Variants in PAX5 observed in about 807,000 individuals in gnomAD.
The protein encoded by PAX5 is paired box 5.
In PAX5, 9 loss-of-function variants were observed where a neutral mutation model predicts 43.7. The ratio of observed to expected loss-of-function variants is 0.21; its 90% CI spans 0.12 to 0.36. The LOEUF is 0.36. Ranked by LOEUF, PAX5 falls within the 10% of genes least tolerant of loss-of-function variation. PAX5 has a pLI of 1.00. For missense variants in PAX5, 383 were observed against 532.7 expected (o/e 0.72, Z 2.77); for synonymous variants, 228 against 214.3 (o/e 1.06, Z -0.56).
chr9:37,024,986 A>C (rs1840191012), intron 1 of PAX5, among the ~76,000 whole-genome samples: 1 of 152,210 alleles, frequency 6.6e-6, no homozygotes, highest in African/African-American at 2.4e-5. Flanking sequence ...CTCTCAGAGC[A>C]TTGCCCTAAC....
chr9:36,997,510 C>A (rs1411066), intron 5 of PAX5, among the ~76,000 whole-genome samples: 1 of 152,168 alleles, frequency 6.6e-6, no homozygotes, highest in Non-Finnish European at 1.5e-5. Flanking sequence ...TCTGAGGCTG[C>A]CCTTTCACCC....
chr9:36,877,729 G>A (rs542601554), intron 8 of PAX5, among the ~76,000 whole-genome samples: 12 of 152,306 alleles, frequency 7.9e-5, no homozygotes, highest in African/African-American at 1.2e-4. Flanking sequence ...GTTCTCAAGC[G>A]TGTTGTGGCA....
chr9:36,915,584 G>T (rs1169970159), intron 7 of PAX5, among the ~76,000 whole-genome samples: 3 of 151,944 alleles, frequency 2.0e-5, no homozygotes, highest in African/African-American at 7.3e-5. Context: ...ATTTTTAAAA[G>T]CTCTTTATAT....
In PAX5 at chr9:37,015,386, T is replaced by C. The variant is rs1401951273; in HGVS notation, c.213-192A>G. On this transcript the variant is annotated intron_variant, in intron 2 of 9. Transcript: ENST00000358127. The surrounding 1 kb of genome is among the most constrained non-coding windows in gnomAD (Gnocchi z 4.4). ...ATCAAAATGTGCTGTAAATATAAAA[T>C]ACACACCAAATTTTTAAAACTTAGT... 6.6e-6 allele frequency among the ~76,000 whole-genome samples: 1 copy of C among 152,130 alleles called. No homozygotes were observed. Among genetic ancestry groups the C allele is most frequent in the African/African-American group, 2.4e-5 (1 of 41,414 alleles).
At chr9:36,960,815 C>T (rs1366884186) in intron 6 of PAX5, among the ~76,000 whole-genome samples, 3 of 152,220 alleles carry the variant, frequency 2.0e-5, no homozygotes, top group Non-Finnish European at 4.4e-5. Context: ...CAGCTCCCTG[C>T]CCACACCTGC....
In PAX5 at chr9:36,856,274, G is replaced by A. The variant is rs73648137; in HGVS notation, c.1013-9345C>T. On this transcript the variant is annotated intron_variant, in intron 8 of 9. Transcript: ENST00000358127. Reference sequence around the variant, plus strand: ...AAAGAATTAGTGAAACACCAGTCCCGATCTTTGCTAGAAACATGGAGACAG... The same window carrying A: ...AAAGAATTAGTGAAACACCAGTCCCAATCTTTGCTAGAAACATGGAGACAG... 8.9e-3 allele frequency among the ~76,000 whole-genome samples: 1,362 copies of A among 152,316 alleles called. 21 individuals are homozygous for A. Among genetic ancestry groups the A allele is most frequent in the African/African-American group, 0.028 (1,179 of 41,574 alleles).
At chr9:36,966,462 C>T in intron 6 of PAX5, 87 bp downstream of exon 6, 2 of 1,456,126 alleles carry the variant, frequency 1.4e-6, no homozygotes, top group Non-Finnish European at 1.9e-6. Context: ...CCCTCACCCA[C>T]ACCCCGCCAG....
In PAX5 at chr9:36,876,461, T is replaced by TA. The variant is rs1825920215; in HGVS notation, c.1012+5542dup. Among the ~76,000 whole-genome samples, 4 of 152,354 alleles carry TA rather than the reference T, an allele frequency of 2.6e-5. 1 individual carries two copies. The South Asian group carries it at 8.3e-4, about 32-fold the overall frequency. ...GATAGCAACCTTTTTTTCTCAGACT[T>TA]ACTAAAGCCAAAGGGCAATGAACTC... On this transcript the variant is annotated intron_variant, in intron 8 of 9. Coordinates refer to ENST00000358127, the MANE Select transcript of PAX5 (RefSeq NM_016734.3).
At chr9:36,966,497 C>A in intron 6 of PAX5, 52 bp downstream of exon 6, 1 of 1,584,444 alleles carries the variant, frequency 6.3e-7, no homozygotes. Context: ...AGGAACCTGG[C>A]TGGGCCGGTG....
rs73648175 is a variant in PAX5 at position 36,944,395 on chromosome 9, G to A, written c.781-20911C>T. 7.9e-3 allele frequency among the ~76,000 whole-genome samples: 1,202 copies of A among 152,248 alleles called. 20 individuals carry two copies. The highest frequency in any genetic ancestry group is 0.026 in the African/African-American group (1,088 of 41,526). Reference sequence around the variant, plus strand: ...ACCTGCCCGAATCGTGCAGCTGGTAGGTGATGGAGCCAGGACGGCACCCAG... The same window carrying A: ...ACCTGCCCGAATCGTGCAGCTGGTAAGTGATGGAGCCAGGACGGCACCCAG... On this transcript the variant is annotated intron_variant, in intron 6 of 9. Transcript: ENST00000358127.
intron 7 of PAX5, among the ~76,000 whole-genome samples, chr9:36,900,288 T>C (rs577595249): frequency 1.3e-5 from 2 of 152,298 alleles, no homozygotes; most frequent in South Asian, 2.1e-4. Context: ...AGGCACCACA[T>C]GGAGTCCATC....
At chr9:36,848,145 C>T (rs3860999) in intron 8 of PAX5, among the ~76,000 whole-genome samples, 137,577 of 152,124 alleles carry the variant, frequency 0.9, 62,965 homozygotes, top group East Asian at 1. Context: ...TACAAAGGGC[C>T]GAAGGGTGAG....
At chr9:36,995,069 G>A (rs1837278668) in intron 5 of PAX5, among the ~76,000 whole-genome samples, 1 of 152,184 alleles carries the variant, frequency 6.6e-6, no homozygotes, top group Non-Finnish European at 1.5e-5. Context: ...AGAGGGCCAG[G>A]GAGGGGACCT....
At chr9:36,868,474 T>C (rs540833280) in intron 8 of PAX5, among the ~76,000 whole-genome samples, 2 of 151,950 alleles carry the variant, frequency 1.3e-5, no homozygotes. Flanking sequence ...GGGACTGCGG[T>C]GGGGGGCTTC....
chr9:36,961,221 G>A (rs775481324), intron 6 of PAX5, among the ~76,000 whole-genome samples: 3 of 152,188 alleles, frequency 2.0e-5, no homozygotes, highest in Non-Finnish European at 2.9e-5. Flanking sequence ...AATGCTGTTC[G>A]GCCCACCAGC....
chr9:36,904,430 G>A (rs1828650399), intron 7 of PAX5, among the ~76,000 whole-genome samples: 1 of 152,192 alleles, frequency 6.6e-6, no homozygotes, highest in Non-Finnish European at 1.5e-5. Flanking sequence ...CACTTCTCTG[G>A]ATGGGTTCAT....
intron 8 of PAX5, among the ~76,000 whole-genome samples, chr9:36,853,974 C>T (rs921481897): frequency 6.6e-6 from 1 of 152,234 alleles, no homozygotes; most frequent in Admixed American, 6.5e-5. Context: ...GGGGGCCGAC[C>T]CCGTCTGCAG....
At chr9:36,922,712 C>T (rs1830274142) in intron 7 of PAX5, 1 of 152,426 alleles carries the variant, frequency 6.6e-6, no homozygotes. Context: ...GGGGTAGGTG[C>T]TAGCACTAGT....
intron 7 of PAX5, among the ~76,000 whole-genome samples, chr9:36,910,630 G>T (rs1057485519): frequency 6.6e-6 from 1 of 152,206 alleles, no homozygotes; most frequent in East Asian, 1.9e-4. Context: ...ATAGATGCCC[G>T]CCTGGACTTT....
Sources: allele counts gnomAD v4.1 joint callset (sites outside exome capture counted in the v4.1 genomes callset), GRCh38; gene constraint gnomAD v4.1.1; non-coding constraint Gnocchi (gnomAD v3.1); transcripts MANE v1.5; gene names NCBI Gene and HGNC (gene_info 2026-07-23, HGNC 2026-07-21).